The following PREX1 variants were observed in gnomAD, a reference collection of about 807,000 sequenced individuals.
The protein encoded by PREX1 is phosphatidylinositol-3,4,5-trisphosphate dependent Rac exchange factor 1, also known as phosphatidylinositol 3,4,5-trisphosphate-dependent Rac exchanger 1 protein.
PREX1 carries 41 observed loss-of-function variants against 198.3 expected under a neutral mutation model. That is an observed-to-expected ratio of 0.21 (90% CI 0.16 to 0.27). PREX1 has a LOEUF of 0.27. Ranked by LOEUF, PREX1 falls within the 10% of genes least tolerant of loss-of-function variation. The pLI is 1.00. For synonymous variants in PREX1, 843 were observed against 887.2 expected (o/e 0.95, Z 0.89); for missense variants, 1,620 against 2,200.7 (o/e 0.74, Z 5.28).
At chr20:48,796,831 T>A (rs2090365199) in intron 1 of PREX1, among the ~76,000 whole-genome samples, 1 of 151,354 alleles carries the variant, frequency 6.6e-6, no homozygotes, top group African/African-American at 2.4e-5. Context: ...ACATTTTAAA[T>A]TAATTTAAAA....
chr20:48,787,006 CAG>C (rs1367952115), intron 1 of PREX1, among the ~76,000 whole-genome samples: 1 of 145,656 alleles, frequency 6.9e-6, no homozygotes, highest in Non-Finnish European at 1.5e-5. Context: ...AAGAACCTCT[CAG>C]AAGCCCCCTT....
At chr20:48,705,326 G>A (rs982562275) in intron 6 of PREX1, among the ~76,000 whole-genome samples, 3 of 152,178 alleles carry the variant, frequency 2.0e-5, no homozygotes, top group African/African-American at 4.8e-5. Context: ...CCAGTCTCAC[G>A]ACAAACAGTG....
Position 48,691,874 on chromosome 20 carries a change from T to C in PREX1, c.1037-778A>G, listed in dbSNP as rs978914013. Among the ~76,000 whole-genome samples, 14 of 151,698 alleles carry C rather than the reference T, an allele frequency of 9.2e-5. No homozygotes were observed. The highest frequency in any genetic ancestry group is 3.4e-4 in the African/African-American group (14 of 41,378). ...TGGTGTTGAGTGAAAGCAGTTTGTT[T>C]AAAAAAAAATGTAGACCATATTTTC... On this transcript the variant is annotated intron_variant, in intron 8 of 39. Transcript: ENST00000371941. The surrounding 1 kb of genome is among the most constrained non-coding windows in gnomAD (Gnocchi z 5.0).
chr20:48,625,646 C>A lies in PREX1; in HGVS notation c.*239G>T. On this transcript the variant is annotated 3_prime_UTR_variant, in exon 40 of 40. Transcript: ENST00000371941. ...ATCAGCTCTATGGGTCTCCAGCACC[C>A]CTCCAGCTTCTGGCAGGCGTGTGAA... 1.9e-6 allele frequency: 1 copy of A among 518,034 alleles called. No homozygotes were observed. Among genetic ancestry groups the A allele is most frequent in the Non-Finnish European group, 3.4e-6 (1 of 298,038 alleles). 32.1% of individuals were successfully genotyped at this position (518,034 alleles called of 1,614,324 possible).
chr20:48,665,436 C>T lies in PREX1; in HGVS notation c.1738+847G>A, dbSNP rs551283149. ...CCTGAATTCTAATCCTGACTCCAGA[C>T]GGCCTGAGTTCTAATCCTGGCTCCA... is the stretch of plus-strand genomic sequence containing the variant. On this transcript the variant is annotated intron_variant, in intron 15 of 39. Coordinates refer to ENST00000371941, the MANE Select transcript of PREX1 (RefSeq NM_020820.4). 7.5e-5 allele frequency among the ~76,000 whole-genome samples: 11 copies of T among 147,516 alleles called. No individual in the cohort carries two copies. In the East Asian group the frequency reaches 1.2e-3, roughly 16 times the overall value.
At chr20:48,681,468 G>A in intron 10 of PREX1, 133 bp from the exon 11 acceptor site, 2 of 816,076 alleles carry the variant, frequency 2.5e-6, no homozygotes, top group Admixed American at 1.8e-5. Flanking sequence ...GCCGAGTGTA[G>A]TAGTCTATAG....
At chr20:48,688,852 A>T in intron 9 of PREX1, 48 bp from the exon 10 acceptor site, 23 of 1,587,576 alleles carry the variant, frequency 1.4e-5, no homozygotes, top group East Asian at 9.2e-5. Context: ...GGCCCAGGGC[A>T]GGGGGGGTAG....
chr20:48,629,653 T>G, intron 36 of PREX1, 32 bp from the exon 37 acceptor site: 1 of 1,604,716 alleles, frequency 6.2e-7, no homozygotes, highest in Non-Finnish European at 8.5e-7. Context: ...ACCGGGGAGT[T>G]GGAGGAGGTC....
chr20:48,709,815 G>T (rs2089922292), intron 5 of PREX1, among the ~76,000 whole-genome samples: 1 of 152,214 alleles, frequency 6.6e-6, no homozygotes, highest in Admixed American at 6.5e-5. Context: ...ACTGTGAGCA[G>T]CAATTTGCCA....
intron 25 of PREX1, among the ~76,000 whole-genome samples, chr20:48,647,716 C>G (rs1191861074): frequency 2.0e-5 from 3 of 152,032 alleles, no homozygotes; most frequent in African/African-American, 7.3e-5. Flanking sequence ...GTAGCAGGGC[C>G]AGGATTTGAA....
In PREX1 at chr20:48,650,885, C is replaced by T. The variant is rs768828939; in HGVS notation, c.2817+9G>A. On this transcript the variant is annotated intron_variant, in intron 23 of 39. Coordinates refer to ENST00000371941, the MANE Select transcript of PREX1 (RefSeq NM_020820.4). ...TGTGGCAGAGACCCCGGAGGGAGCA[C>T]GCAGGCACCTCCTGGTAGCAGGCAA... The T allele has an allele frequency of 4.2e-5, 67 of 1,613,792 alleles. No individual in the cohort carries two copies. The highest frequency in any genetic ancestry group is 5.2e-5 in the Non-Finnish European group (61 of 1,179,934).
intron 1 of PREX1, among the ~76,000 whole-genome samples, chr20:48,758,274 C>T (rs1318486917): frequency 2.0e-5 from 3 of 152,190 alleles, no homozygotes; most frequent in Admixed American, 6.5e-5. Context: ...CTGTCTGTCA[C>T]TAGTTTAAGG....
rs6095225 is a variant in PREX1, at chr20:48,646,786, G to A, written c.3306-729C>T. Among the ~76,000 whole-genome samples, 12 of 152,198 alleles carry A rather than the reference G, an allele frequency of 7.9e-5. No individual in the cohort carries two copies. The South Asian group carries it at 2.1e-3, about 26-fold the overall frequency. On this transcript the variant is annotated intron_variant, in intron 25 of 39. Transcript: ENST00000371941. ...CCCCACTGTAGGGTGTGACGGTTAA[G>A]AGCACAGGTTTTGAAGCTAGCTAAA...
chr20:48,845,702 C>CAAAA, the PREX1 span, among the ~76,000 whole-genome samples: 546 of 102,962 alleles, frequency 5.3e-3, 11 homozygotes, highest in Admixed American at 0.039. Flanking sequence ...ACCTTGTTTC[C>CAAAA]AAAAAAAAAA....
intron 10 of PREX1, among the ~76,000 whole-genome samples, chr20:48,685,809 G>A (rs564187215): frequency 1.7e-4 from 26 of 152,216 alleles, no homozygotes; most frequent in African/African-American, 6.0e-4. Flanking sequence ...CAGGAAGATC[G>A]CTTGAGCCCA....
chr20:48,652,032 G>C (rs935223192), intron 21 of PREX1, among the ~76,000 whole-genome samples: 1 of 152,154 alleles, frequency 6.6e-6, no homozygotes, highest in Non-Finnish European at 1.5e-5. Context: ...CAGCCCAGTG[G>C]GACTCGGACT....
At chr20:48,807,889 A>G (rs755442399) in intron 1 of PREX1, among the ~76,000 whole-genome samples, 21 of 152,160 alleles carry the variant, frequency 1.4e-4, no homozygotes, top group Non-Finnish European at 2.9e-4. Flanking sequence ...AAATGAGGCT[A>G]GAGGGGTGTG....
At chr20:48,641,842 GGAAGGAAGGAAGGAAGGA>G (rs1159451593) in intron 29 of PREX1, among the ~76,000 whole-genome samples, 241 of 14,760 alleles carry the variant, frequency 0.016, 3 homozygotes, top group African/African-American at 0.042. Flanking sequence ...GAGAGAGAGA[GGAAGGAAGGAAGGAAGGA>G]AGGAAGGAAG....
chr20:48,721,338 G>A (rs1475216354), intron 5 of PREX1, among the ~76,000 whole-genome samples: 1 of 152,196 alleles, frequency 6.6e-6, no homozygotes. Context: ...GCAAGGTGAA[G>A]GGGACAGAGA....
Sources: gnomAD v4.1 joint callset for allele counts (sites outside exome capture counted in the v4.1 genomes callset) on GRCh38, gnomAD v4.1.1 for gene constraint, Gnocchi (gnomAD v3.1) non-coding constraint, MANE v1.5 for transcripts, NCBI Gene and HGNC (gene_info 2026-07-23, HGNC 2026-07-21) for gene names.